The following WWC2 variants were observed in gnomAD, a reference collection of about 807,000 sequenced individuals.
WWC2 encodes the protein WW and C2 domain containing 2, also known as protein WWC2.
Under a neutral mutation model 138.5 loss-of-function variants are expected in WWC2, and 101 were observed. The ratio of observed to expected loss-of-function variants is 0.73; its 90% CI spans 0.62 to 0.86. The LOEUF (loss-of-function observed/expected upper bound fraction) is 0.86. WWC2 is among the 40% of genes least tolerant of loss of function. The pLI is 0.00. For missense variants in WWC2, 1,420 were observed against 1,419.4 expected (o/e 1.00, Z -0.01); for synonymous variants, 558 against 538.4 (o/e 1.04, Z -0.50).
At chr4:183,182,349 G>A (rs767725289) in intron 1 of WWC2, among the ~76,000 whole-genome samples, 15 of 152,174 alleles carry the variant, frequency 9.9e-5, no homozygotes, top group African/African-American at 3.6e-4. Context: ...AAATTGACTG[G>A]CTGTGTGTTG....
rs1049504832 is a variant in WWC2 at position 183,106,468 on chromosome 4, T to G, written c.131+6846T>G. ...TTTTAACCATTTTGAAGACTACACCTTAGTAGTTTTTAGTATATTCATTGT... is the reference window on the plus strand; with the variant it reads ...TTTTAACCATTTTGAAGACTACACCGTAGTAGTTTTTAGTATATTCATTGT... On this transcript the variant is annotated intron_variant, in intron 1 of 22. Coordinates refer to ENST00000403733, the MANE Select transcript of WWC2 (RefSeq NM_024949.6). Among the ~76,000 whole-genome samples, 6 of 152,250 alleles carry G rather than the reference T, an allele frequency of 3.9e-5. No homozygotes were observed. In the East Asian group the frequency reaches 5.8e-4, roughly 15 times the overall value.
intron 1 of WWC2, among the ~76,000 whole-genome samples, chr4:183,154,968 T>C (rs571500994): frequency 6.6e-6 from 1 of 152,340 alleles, no homozygotes; most frequent in African/African-American, 2.4e-5. Flanking sequence ...ACCGCCTTGC[T>C]CTCGCAGCTG....
At chr4:183,134,182 A>C (rs1243517334) in intron 1 of WWC2, among the ~76,000 whole-genome samples, 2 of 151,734 alleles carry the variant, frequency 1.3e-5, no homozygotes, top group Non-Finnish European at 2.9e-5. Flanking sequence ...CTTTTGTTAG[A>C]TGTTAGTTTT....
intron 1 of WWC2, among the ~76,000 whole-genome samples, chr4:183,105,901 A>G (rs1000402165): frequency 1.9e-4 from 29 of 152,202 alleles, no homozygotes; most frequent in African/African-American, 7.0e-4. Flanking sequence ...AAAAAAAAAA[A>G]AAAAGAATTT....
chr4:183,295,088 AT>A (rs1738591703), intron 21 of WWC2, among the ~76,000 whole-genome samples: 1 of 150,854 alleles, frequency 6.6e-6, no homozygotes, highest in African/African-American at 2.4e-5. Context: ...GAAAAAAAAA[AT>A]TAAGAAGGAG....
At chr4:183,233,042 A>G (rs1325665653) in intron 4 of WWC2, among the ~76,000 whole-genome samples, 2 of 151,130 alleles carry the variant, frequency 1.3e-5, no homozygotes, top group East Asian at 1.9e-4. Context: ...TACATGTACA[A>G]GTGTTTGTGT....
chr4:183,235,480 T>C (rs563029480), intron 4 of WWC2, among the ~76,000 whole-genome samples: 2 of 152,352 alleles, frequency 1.3e-5, no homozygotes, highest in Admixed American at 1.3e-4. Flanking sequence ...ACTGAAACTT[T>C]ATTTCCTGTA....
Position 183,156,569 on chromosome 4 carries a change from G to A in WWC2, c.132-37030G>A, listed in dbSNP as rs529936114. The stretch of plus-strand genomic sequence containing the variant: ...CTGTTTTCGAACTCCTGACCTTGGG[G>A]GATCCACCTGCCTTGGCCTCCCAAA... On this transcript the variant is annotated intron_variant, in intron 1 of 22. Coordinates refer to ENST00000403733, the MANE Select transcript of WWC2 (RefSeq NM_024949.6). Among the ~76,000 whole-genome samples the A allele has an allele frequency of 7.5e-4, 113 of 151,392 alleles. 1 individual carries two copies. The highest frequency in any genetic ancestry group is 2.6e-3 in the African/African-American group (108 of 41,246).
intron 2 of WWC2, among the ~76,000 whole-genome samples, chr4:183,197,300 C>T (rs1735171264): frequency 6.6e-6 from 1 of 152,224 alleles, no homozygotes; most frequent in Admixed American, 6.5e-5. Context: ...TGAAAACGAT[C>T]TGGTCCATTG....
At chr4:183,259,788 C>G (rs1489688453) in intron 10 of WWC2, 60 bp downstream of exon 10, 2 of 1,141,396 alleles carry the variant, frequency 1.8e-6, no homozygotes, top group African/African-American at 1.6e-5. Flanking sequence ...TCTTGTTCAT[C>G]TTTGATTACT....
At chr4:183,204,257 G>C (rs1049195459) in intron 2 of WWC2, among the ~76,000 whole-genome samples, 1 of 152,180 alleles carries the variant, frequency 6.6e-6, no homozygotes, top group African/African-American at 2.4e-5. Context: ...CTCTAGAGCA[G>C]TCAGACATCC....
intron 4 of WWC2, among the ~76,000 whole-genome samples, chr4:183,230,621 G>A (rs1316596492): frequency 1.3e-5 from 2 of 152,218 alleles, no homozygotes; most frequent in East Asian, 3.9e-4. Context: ...AGGTTGCAGT[G>A]AGCCGAGATT....
rs140529944 is a variant in WWC2 at position 183,109,081 on chromosome 4, A to G, written c.131+9459A>G. Among the ~76,000 whole-genome samples, 558 of 152,346 alleles carry G rather than the reference A, an allele frequency of 3.7e-3. 3 individuals are homozygous for G. The highest frequency in any genetic ancestry group is 0.013 in the African/African-American group (533 of 41,574). On this transcript the variant is annotated intron_variant, in intron 1 of 22. Transcript: ENST00000403733. ...GACCTCTTAAAAGTCACACAAAACG[A>G]AGTGATTTTCTTTGGTGGAAGCATA...
At position 183,260,921 on chromosome 4, in the gene WWC2, G is replaced by A; in HGVS notation, c.1298G>A (p.Ser433Asn). Residue 433 changes from serine to asparagine, a missense_variant, in exon 11 of 23, where the codon AGC becomes AAC. Transcript: ENST00000403733. ...TTTTTGTCTTTCAGCCTCTCTGCCAGCACCCTGTCCATGTCATCTGGGAGC... is the reference window on the plus strand; with the variant it reads ...TTTTTGTCTTTCAGCCTCTCTGCCAACACCCTGTCCATGTCATCTGGGAGC... ...LHSQLKSLSA[S>N]TLSMSSGSSL... is the part of the protein sequence containing the mutation. 1 of 1,613,494 alleles carries A rather than the reference G, an allele frequency of 6.2e-7. No individual in the cohort carries two copies. Among genetic ancestry groups the A allele is most frequent in the Middle Eastern group, 1.7e-4 (1 of 5,848 alleles).
chr4:183,272,018 G>A (rs1254816258), intron 16 of WWC2, among the ~76,000 whole-genome samples: 1 of 152,082 alleles, frequency 6.6e-6, no homozygotes, highest in African/African-American at 2.4e-5. Context: ...AAAAATGGGG[G>A]TTAGGTTGTA....
At chr4:183,118,422 T>C (rs1039420470) in intron 1 of WWC2, among the ~76,000 whole-genome samples, 7 of 152,216 alleles carry the variant, frequency 4.6e-5, no homozygotes, top group Non-Finnish European at 1.0e-4. Flanking sequence ...TTATGGTAGC[T>C]AGAAATATAT....
At position 183,318,952 on chromosome 4, in the gene WWC2, T is replaced by G. The variant is rs1233887475; in HGVS notation, c.*3223T>G. The G allele has an allele frequency of 6.6e-6, 1 of 152,352 alleles. No homozygotes were observed. The highest frequency in any genetic ancestry group is 1.5e-5 in the Non-Finnish European group (1 of 68,172). 9.4% of individuals were successfully genotyped at this position (152,352 alleles called of 1,614,324 possible). A position where few individuals can be genotyped will look rare whatever the true frequency, so the allele number is the denominator to read the frequency against. ...GCACGTTTGTGTGGCAGAGTCTACT[T>G]GAATCATCCAAAACCCAAGATCGCC... On this transcript the variant is annotated 3_prime_UTR_variant, in exon 23 of 23. Transcript: ENST00000403733.
intron 1 of WWC2, among the ~76,000 whole-genome samples, chr4:183,133,585 C>G (rs971867796): frequency 3.3e-5 from 5 of 152,140 alleles, no homozygotes. Context: ...CAACCTCTGC[C>G]TTCCAGGTTC....
intron 8 of WWC2, among the ~76,000 whole-genome samples, chr4:183,253,418 C>T (rs368868424): frequency 6.6e-5 from 10 of 152,346 alleles, no homozygotes; most frequent in East Asian, 3.9e-4. Context: ...GGCAGTCACA[C>T]GTCAGAGCTG....
Sources: gnomAD v4.1 joint callset for allele counts (sites outside exome capture counted in the v4.1 genomes callset) on GRCh38, gnomAD v4.1.1 for gene constraint, MANE v1.5 for transcripts, NCBI Gene and HGNC (gene_info 2026-07-23, HGNC 2026-07-21) for gene names.